The following CAMK1D variants were observed in gnomAD, a reference collection of about 807,000 sequenced individuals.
CAMK1D encodes the protein calcium/calmodulin dependent protein kinase ID.
In CAMK1D, 9 loss-of-function variants were observed where a neutral mutation model predicts 47.7. That is an observed-to-expected ratio of 0.19 (90% CI 0.11 to 0.33). The LOEUF (loss-of-function observed/expected upper bound fraction) is 0.33. Ranked by LOEUF, CAMK1D falls within the 10% of genes least tolerant of loss-of-function variation. The pLI is 1.00. For missense variants in CAMK1D, 291 were observed against 488.7 expected (o/e 0.60, Z 3.81); for synonymous variants, 184 against 184.9 (o/e 0.99, Z 0.04).
At chr10:12,624,258 G>A (rs892692233) in intron 2 of CAMK1D, among the ~76,000 whole-genome samples, 4 of 152,036 alleles carry the variant, frequency 2.6e-5, no homozygotes, top group African/African-American at 7.2e-5. Flanking sequence ...ATTTCAGTAA[G>A]AACCTGTAAT....
At chr10:12,662,246 C>T (rs2132539378) in intron 2 of CAMK1D, among the ~76,000 whole-genome samples, 1 of 152,316 alleles carries the variant, frequency 6.6e-6, no homozygotes, top group Middle Eastern at 3.4e-3. Flanking sequence ...ATGAGTCAAT[C>T]AACATTCAGA....
chr10:12,352,149 C>G (rs1837371595), intron 1 of CAMK1D, among the ~76,000 whole-genome samples: 1 of 152,122 alleles, frequency 6.6e-6, no homozygotes, highest in African/African-American at 2.4e-5. Context: ...GCTACCAAAC[C>G]TTAGCTAACT....
chr10:12,666,662 A>G, intron 2 of CAMK1D, 74 bp from the exon 3 acceptor site: 1 of 1,191,876 alleles, frequency 8.4e-7, no homozygotes, highest in Non-Finnish European at 1.2e-6. Context: ...ACTTTTTGCT[A>G]CAATGCTGTC....
In CAMK1D at chr10:12,371,187, C is replaced by CCACTCACTCACTCACT. The variant is rs370568920; in HGVS notation, c.92+21289_92+21304dup. On this transcript the variant is annotated intron_variant, in intron 1 of 10. Transcript: ENST00000619168. ...TGCTCTAGGCCTTCTCATTCACTCA[C>CCACTCACTCACTCACT]CACTCACTCACTCACTCACTCACTC... 4.6e-5 allele frequency among the ~76,000 whole-genome samples: 7 copies of CCACTCACTCACTCACT among 151,994 alleles called. No individual in the cohort carries two copies. The East Asian group carries it at 9.6e-4, about 21-fold the overall frequency.
rs570038268 is a variant in CAMK1D, at chr10:12,369,196, G to C, written c.92+19286G>C. Among the ~76,000 whole-genome samples, 15 of 152,276 alleles carry C rather than the reference G, an allele frequency of 9.9e-5. No individual in the cohort carries two copies. The East Asian group carries it at 2.7e-3, about 27-fold the overall frequency. ...ACAACAAGCTGGAAAGGTAGGTACTGTTACCCCCACTTAAATATGAGAGAC... is the reference window on the plus strand; with the variant it reads ...ACAACAAGCTGGAAAGGTAGGTACTCTTACCCCCACTTAAATATGAGAGAC... On this transcript the variant is annotated intron_variant, in intron 1 of 10. Transcript: ENST00000619168.
intron 2 of CAMK1D, among the ~76,000 whole-genome samples, chr10:12,563,674 AGAGAGAGAGAGAGAGAGAGAGAGAGG>A (rs1215883100): frequency 1.0e-4 from 10 of 97,422 alleles, no homozygotes; most frequent in Admixed American, 4.6e-4. Flanking sequence ...TGAGAGAGAG[AGAGAGAGAGAGAGAGAGAGAGAGAGG>A]GAGAGAGAGG....
intron 1 of CAMK1D, among the ~76,000 whole-genome samples, chr10:12,418,109 C>T (rs1400314895): frequency 1.3e-5 from 2 of 152,190 alleles, no homozygotes; most frequent in Admixed American, 1.3e-4. Context: ...CCTCGATGCT[C>T]TTTAAAAGAA....
At chr10:12,761,953 G>C (rs1440927930) in intron 4 of CAMK1D, among the ~76,000 whole-genome samples, 1 of 152,172 alleles carries the variant, frequency 6.6e-6, no homozygotes, top group Non-Finnish European at 1.5e-5. Flanking sequence ...TGAGGTTTTG[G>C]TATATTGACC....
At chr10:12,556,831 G>C (rs1284094730) in intron 2 of CAMK1D, among the ~76,000 whole-genome samples, 1 of 152,204 alleles carries the variant, frequency 6.6e-6, no homozygotes, top group Non-Finnish European at 1.5e-5. Flanking sequence ...GGACTGGGGG[G>C]CCAGGACTCT....
chr10:12,757,947 G>A (rs889487469), intron 3 of CAMK1D, among the ~76,000 whole-genome samples: 2 of 144,664 alleles, frequency 1.4e-5, no homozygotes, highest in African/African-American at 5.2e-5. Context: ...TGCCTCCCCA[G>A]TTCAAGCAGT....
Position 12,401,050 on chromosome 10 carries a change from ATATTAT to A in CAMK1D, c.92+51141_92+51146del, listed in dbSNP as rs1395422117. Among the ~76,000 whole-genome samples the A allele has an allele frequency of 9.6e-5, 10 of 103,874 alleles. No homozygotes were observed. In the East Asian group the frequency reaches 1.6e-3, roughly 17 times the overall value. 68.1% of individuals were successfully genotyped at this position (103,874 alleles called of 152,430 possible). A position where few individuals can be genotyped will look rare whatever the true frequency, so the allele number is the denominator to read the frequency against. ...TAATATATAAATATATGTATTATATATATTATATATATATTTTATATATATAATATA... is the reference window on the plus strand; with the variant it reads ...TAATATATAAATATATGTATTATATAATATATATTTTATATATATAATATA... On this transcript the variant is annotated intron_variant, in intron 1 of 10. Transcript: ENST00000619168.
At position 12,506,832 on chromosome 10, in the gene CAMK1D, C is replaced by T. The variant is rs1286284847; in HGVS notation, c.93-46393C>T. ...CGCGCCCGGCCTGGGCTCTTTCATG[C>T]CCACCTAGCCCTTGGTGCCCCCGAG... On this transcript the variant is annotated intron_variant, in intron 1 of 10. Transcript: ENST00000619168. Among the ~76,000 whole-genome samples the T allele has an allele frequency of 5.3e-5, 8 of 152,284 alleles. No homozygotes were observed. In the East Asian group the frequency reaches 1.4e-3, roughly 26 times the overall value.
At position 12,547,682 on chromosome 10, in the gene CAMK1D, T is replaced by TCACACACACACACACACACA. The variant is rs1554786375; in HGVS notation, c.93-5524_93-5523insACACACACACACACACACAC. On this transcript the variant is annotated intron_variant, in intron 1 of 10. Coordinates refer to ENST00000619168, the MANE Select transcript of CAMK1D (RefSeq NM_153498.4). ...CACTCTCTCTCTCTCTTTCTCTCTC[T>TCACACACACACACACACACA]CACACACACACACACACACCACTGT... Among the ~76,000 whole-genome samples, 40 of 116,554 alleles carry TCACACACACACACACACACA rather than the reference T, an allele frequency of 3.4e-4. No individual in the cohort carries two copies. In the South Asian group the frequency reaches 0.011, roughly 31 times the overall value. 76.5% of individuals were successfully genotyped at this position (116,554 alleles called of 152,430 possible). A position where few individuals can be genotyped will look rare whatever the true frequency, so the allele number is the denominator to read the frequency against.
chr10:12,393,200 T>TG (rs1838808351), intron 1 of CAMK1D, among the ~76,000 whole-genome samples: 1 of 151,866 alleles, frequency 6.6e-6, no homozygotes, highest in Non-Finnish European at 1.5e-5. Flanking sequence ...CCTGGCTAAT[T>TG]TTTTGTATTT....
intron 5 of CAMK1D, among the ~76,000 whole-genome samples, chr10:12,787,847 A>G (rs191918278): frequency 2.6e-5 from 4 of 152,272 alleles, no homozygotes; most frequent in Admixed American, 2.6e-4. Flanking sequence ...TAAAAATACA[A>G]AAATTAGCCG....
chr10:12,473,686 G>A (rs551193677), intron 1 of CAMK1D, among the ~76,000 whole-genome samples: 6 of 152,278 alleles, frequency 3.9e-5, no homozygotes, highest in Admixed American at 1.3e-4. Flanking sequence ...ACTAGATGGC[G>A]GAGTCGGCTC....
intron 1 of CAMK1D, among the ~76,000 whole-genome samples, chr10:12,461,426 C>T (rs1261054065): frequency 6.6e-6 from 1 of 152,138 alleles, no homozygotes; most frequent in Non-Finnish European, 1.5e-5. Flanking sequence ...CGCAGTGGCT[C>T]ACGCCTGTAA....
intron 1 of CAMK1D, among the ~76,000 whole-genome samples, chr10:12,374,532 C>G (rs1268767414): frequency 6.6e-6 from 1 of 152,254 alleles, no homozygotes; most frequent in African/African-American, 2.4e-5. Context: ...AATCTGATCT[C>G]TGCCACCCAC....
chr10:12,359,374 C>T (rs1246671936), intron 1 of CAMK1D, among the ~76,000 whole-genome samples: 1 of 152,200 alleles, frequency 6.6e-6, no homozygotes, highest in African/African-American at 2.4e-5. Context: ...AGCCATTCAA[C>T]ATTTGCTCCC....
Sources: allele counts gnomAD v4.1 joint callset (sites outside exome capture counted in the v4.1 genomes callset), GRCh38; gene constraint gnomAD v4.1.1; transcripts MANE v1.5; gene names NCBI Gene and HGNC (gene_info 2026-07-23, HGNC 2026-07-21).